Variants in SLC25A21 observed in about 807,000 individuals in gnomAD.
SLC25A21 encodes the protein solute carrier family 25 member 21.
In SLC25A21, 47 loss-of-function variants were observed where a neutral mutation model predicts 43.8. That is an observed-to-expected ratio of 1.07 (90% CI 0.85 to 1.37). The LOEUF (loss-of-function observed/expected upper bound fraction) is 1.37, where lower values mean the gene tolerates loss of function less well. Among genes scored for constraint, SLC25A21 ranks in the 40% most tolerant of loss-of-function variants. SLC25A21 has a pLI of 0.00. For synonymous variants in SLC25A21, 131 were observed against 121.3 expected (o/e 1.08, Z -0.52); for missense variants, 352 against 350.2 (o/e 1.00, Z -0.04).
At chr14:36,730,263 A>G (rs1050330063) in intron 4 of SLC25A21, among the ~76,000 whole-genome samples, 3 of 152,192 alleles carry the variant, frequency 2.0e-5, no homozygotes, top group South Asian at 2.1e-4. Flanking sequence ...ACAAATTTCA[A>G]TGGAGGCGAA....
At chr14:37,166,802 C>T (rs542367658) in intron 1 of SLC25A21, among the ~76,000 whole-genome samples, 1 of 152,106 alleles carries the variant, frequency 6.6e-6, no homozygotes, top group Admixed American at 6.6e-5. Flanking sequence ...TAGGAAAGTT[C>T]TTTGTAGGTG....
intron 3 of SLC25A21, among the ~76,000 whole-genome samples, chr14:36,745,267 A>C (rs1237379680): frequency 2.6e-5 from 4 of 152,040 alleles, no homozygotes; most frequent in Non-Finnish European, 5.9e-5. Context: ...GGTTGGTTCC[A>C]AGTCTTTGCT....
At chr14:36,692,049 G>A (rs751744211) in intron 7 of SLC25A21, among the ~76,000 whole-genome samples, 5 of 152,238 alleles carry the variant, frequency 3.3e-5, no homozygotes, top group Non-Finnish European at 4.4e-5. Flanking sequence ...GAGAGAAGGT[G>A]TAAGTTTTCC....
At chr14:36,754,807 A>C (rs1330609204) in intron 3 of SLC25A21, among the ~76,000 whole-genome samples, 12 of 152,226 alleles carry the variant, frequency 7.9e-5, no homozygotes, top group African/African-American at 2.9e-4. Flanking sequence ...TAATTTATCT[A>C]CTTGTACTTT....
At chr14:36,775,053 AT>A (rs892232314) in intron 3 of SLC25A21, among the ~76,000 whole-genome samples, 5 of 152,236 alleles carry the variant, frequency 3.3e-5, no homozygotes, top group African/African-American at 1.2e-4. Flanking sequence ...AATAAGTATA[AT>A]AACAGTAATT....
At chr14:36,711,009 A>G (rs964681158) in intron 7 of SLC25A21, among the ~76,000 whole-genome samples, 3 of 152,182 alleles carry the variant, frequency 2.0e-5, no homozygotes, top group African/African-American at 2.4e-5. Context: ...AATTCCTTTT[A>G]GTAATAAAGG....
intron 1 of SLC25A21, among the ~76,000 whole-genome samples, chr14:36,908,608 A>T (rs764001585): frequency 1.3e-5 from 2 of 152,226 alleles, no homozygotes; most frequent in Admixed American, 6.5e-5. Flanking sequence ...GCTATTTAGC[A>T]TATAAAATGT....
chr14:37,035,452 G>C (rs1961307837), intron 1 of SLC25A21, among the ~76,000 whole-genome samples: 1 of 152,220 alleles, frequency 6.6e-6, no homozygotes, highest in African/African-American at 2.4e-5. Context: ...TGTTATTACA[G>C]AGTGATAAAA....
chr14:37,158,450 C>CT (rs1226550979), intron 1 of SLC25A21, among the ~76,000 whole-genome samples: 2 of 152,060 alleles, frequency 1.3e-5, no homozygotes, highest in African/African-American at 4.8e-5. Flanking sequence ...TGATCAAGCT[C>CT]TATCACATCA....
intron 2 of SLC25A21, among the ~76,000 whole-genome samples, chr14:36,821,032 GCTC>G (rs1308870516): frequency 6.6e-6 from 1 of 152,182 alleles, no homozygotes; most frequent in Non-Finnish European, 1.5e-5. Context: ...ATTAGATGTT[GCTC>G]CTACAGAGTA....
At chr14:36,812,206 T>C (rs763846642) in intron 3 of SLC25A21, among the ~76,000 whole-genome samples, 11 of 152,020 alleles carry the variant, frequency 7.2e-5, no homozygotes, top group Non-Finnish European at 1.6e-4. Flanking sequence ...GACAGTTGTG[T>C]TTTTCATCTG....
At chr14:36,718,563 T>A (rs934013182) in intron 6 of SLC25A21, among the ~76,000 whole-genome samples, 12 of 152,258 alleles carry the variant, frequency 7.9e-5, no homozygotes, top group African/African-American at 2.9e-4. Flanking sequence ...CAATTTACTT[T>A]ATCAACATAA....
At chr14:36,816,719 G>T (rs1219135417) in intron 2 of SLC25A21, among the ~76,000 whole-genome samples, 1 of 151,942 alleles carries the variant, frequency 6.6e-6, no homozygotes, top group Non-Finnish European at 1.5e-5. Flanking sequence ...GCCCAGGCTG[G>T]TATGGAACTT....
At chr14:36,858,395 C>A (rs1371933371) in intron 2 of SLC25A21, among the ~76,000 whole-genome samples, 1 of 152,150 alleles carries the variant, frequency 6.6e-6, no homozygotes, top group Non-Finnish European at 1.5e-5. Flanking sequence ...AAAGTGTCGG[C>A]CTCAATTCTG....
chr14:36,971,381 C>CTTCTCT (rs1959744792), intron 1 of SLC25A21, among the ~76,000 whole-genome samples: 1 of 152,158 alleles, frequency 6.6e-6, no homozygotes, highest in African/African-American at 2.4e-5. Flanking sequence ...GTGGCTCCAT[C>CTTCTCT]TTCTCTTTTC....
intron 3 of SLC25A21, among the ~76,000 whole-genome samples, chr14:36,772,320 A>T (rs1204049480): frequency 6.6e-6 from 1 of 152,192 alleles, no homozygotes. Flanking sequence ...GCAAGGGCTA[A>T]ATCCTGAGAC....
chr14:36,796,771 G>C (rs1887689131), intron 3 of SLC25A21, among the ~76,000 whole-genome samples: 1 of 152,186 alleles, frequency 6.6e-6, no homozygotes, highest in Non-Finnish European at 1.5e-5. Flanking sequence ...CTTAGTTCCA[G>C]TGATGAAATT....
intron 1 of SLC25A21, among the ~76,000 whole-genome samples, chr14:37,049,426 G>T (rs908465290): frequency 6.6e-6 from 1 of 151,808 alleles, no homozygotes. Context: ...TTAAAAATTC[G>T]CTGGGCATGG....
chr14:36,790,459 G>T (rs758385666), intron 3 of SLC25A21, among the ~76,000 whole-genome samples: 1 of 152,044 alleles, frequency 6.6e-6, no homozygotes, highest in African/African-American at 2.4e-5. Context: ...CGAATAATTA[G>T]TTACTCTGCT....
Sources: gnomAD v4.1 joint callset for allele counts (sites outside exome capture counted in the v4.1 genomes callset) on GRCh38, gnomAD v4.1.1 for gene constraint, MANE v1.5 for transcripts, NCBI Gene and HGNC (gene_info 2026-07-23, HGNC 2026-07-21) for gene names.